Variants in GRM7 observed in about 807,000 individuals in gnomAD.
GRM7 encodes the protein metabotropic glutamate receptor 7.
In GRM7, 35 loss-of-function variants were observed where a neutral mutation model predicts 84.5. The observed-to-expected ratio is 0.41, with a 90% CI of 0.32 to 0.55. The LOEUF (loss-of-function observed/expected upper bound fraction) is 0.55, where lower values mean the gene tolerates loss of function less well. Among genes scored for constraint, GRM7 ranks in the 20% least tolerant of loss-of-function variants. GRM7 has a pLI of 0.19. For synonymous variants in GRM7, 487 were observed against 455.1 expected (o/e 1.07, Z -0.89); for missense variants, 1,003 against 1,194.6 (o/e 0.84, Z 2.36).
At chr3:7,437,979 AG>A (rs1697128946) in intron 5 of GRM7, among the ~76,000 whole-genome samples, 1 of 152,128 alleles carries the variant, frequency 6.6e-6, no homozygotes, top group Non-Finnish European at 1.5e-5. Flanking sequence ...TAAAAAAAAA[AG>A]GTCACAGAAC....
At chr3:7,544,707 T>A (rs996449145) in intron 7 of GRM7, among the ~76,000 whole-genome samples, 1 of 152,252 alleles carries the variant, frequency 6.6e-6, no homozygotes, top group Non-Finnish European at 1.5e-5. Flanking sequence ...TTTTATGTTG[T>A]CTCTTTCCTC....
intron 1 of GRM7, among the ~76,000 whole-genome samples, chr3:6,949,531 G>A (rs1261811401): frequency 2.6e-5 from 4 of 151,834 alleles, no homozygotes; most frequent in Non-Finnish European, 4.4e-5. Flanking sequence ...ACAATTATGT[G>A]TCTTGGAGTT....
chr3:7,682,802 A>T (rs188577281), intron 9 of GRM7, among the ~76,000 whole-genome samples: 3 of 152,320 alleles, frequency 2.0e-5, no homozygotes, highest in Admixed American at 2.0e-4. Context: ...GCTAACACTG[A>T]CATTAATGCT....
At chr3:7,257,148 G>T (rs146556289) in intron 2 of GRM7, among the ~76,000 whole-genome samples, 195 of 152,202 alleles carry the variant, frequency 1.3e-3, no homozygotes, top group Non-Finnish European at 2.2e-3. Flanking sequence ...ACTAATCCAA[G>T]GAGGCTTTTC....
At chr3:7,395,235 C>G (rs1695163560) in intron 4 of GRM7, among the ~76,000 whole-genome samples, 1 of 152,004 alleles carries the variant, frequency 6.6e-6, no homozygotes. Flanking sequence ...GATGTATTCA[C>G]CAAATTGTAT....
chr3:7,674,432 T>A (rs1021304615), intron 8 of GRM7, among the ~76,000 whole-genome samples: 19 of 152,178 alleles, frequency 1.2e-4, no homozygotes, highest in African/African-American at 4.6e-4. Flanking sequence ...CCTCAGGTGA[T>A]CTGCCTGCCT....
intron 1 of GRM7, among the ~76,000 whole-genome samples, chr3:6,951,601 C>T (rs982134019): frequency 2.6e-5 from 4 of 152,138 alleles, no homozygotes; most frequent in Non-Finnish European, 4.4e-5. Context: ...TTCTAGAGAT[C>T]TTTCTGTTAT....
intron 8 of GRM7, among the ~76,000 whole-genome samples, chr3:7,644,159 T>TATATATATGTCTGTAC (rs71043682): frequency 0.017 from 1,229 of 73,852 alleles, 47 homozygotes; most frequent in African/African-American, 0.052. Flanking sequence ...TGTACGTATA[T>TATATATATGTCTGTAC]ATATATATGT....
chr3:7,378,492 G>A (rs2125126667), intron 4 of GRM7, among the ~76,000 whole-genome samples: 1 of 152,224 alleles, frequency 6.6e-6, no homozygotes, highest in South Asian at 2.1e-4. Flanking sequence ...CAACAGTCTT[G>A]GGAGTTAAGG....
intron 2 of GRM7, among the ~76,000 whole-genome samples, chr3:7,279,224 TC>T (rs1699174511): frequency 6.6e-6 from 1 of 152,136 alleles, no homozygotes; most frequent in Non-Finnish European, 1.5e-5. Context: ...TAAGCAAACC[TC>T]CATTTATTTT....
intron 1 of GRM7, among the ~76,000 whole-genome samples, chr3:7,003,229 A>AATTG (rs1695074407): frequency 6.6e-6 from 1 of 152,146 alleles, no homozygotes; most frequent in South Asian, 2.1e-4. Context: ...ATTGCTAAAG[A>AATTG]ATTGATTTCT....
At chr3:7,654,650 A>AACTT (rs1699100568) in intron 8 of GRM7, among the ~76,000 whole-genome samples, 1 of 152,226 alleles carries the variant, frequency 6.6e-6, no homozygotes, top group African/African-American at 2.4e-5. Flanking sequence ...CAGCTCTGTG[A>AACTT]ACTTCTAAAT....
intron 1 of GRM7, among the ~76,000 whole-genome samples, chr3:7,080,333 G>T (rs1341425194): frequency 6.6e-6 from 1 of 151,696 alleles, no homozygotes; most frequent in Non-Finnish European, 1.5e-5. Flanking sequence ...TTCACATTTG[G>T]TCCAGTCTCC....
At chr3:7,312,201 C>T (rs531355043) in intron 4 of GRM7, among the ~76,000 whole-genome samples, 65 of 152,194 alleles carry the variant, frequency 4.3e-4, no homozygotes, top group African/African-American at 1.5e-3. Context: ...AAATGATGAG[C>T]GATGCCCTGT....
At chr3:7,618,201 G>A (rs946126166) in intron 8 of GRM7, among the ~76,000 whole-genome samples, 4 of 152,120 alleles carry the variant, frequency 2.6e-5, no homozygotes, top group African/African-American at 9.7e-5. Flanking sequence ...GCATAAAGAA[G>A]CTGGGGGTTT....
chr3:7,173,349 C>T (rs971577479), intron 2 of GRM7, among the ~76,000 whole-genome samples: 4 of 152,194 alleles, frequency 2.6e-5, no homozygotes, highest in Non-Finnish European at 5.9e-5. Context: ...CTCACAGGGA[C>T]ATCAGAAAAA....
intron 8 of GRM7, among the ~76,000 whole-genome samples, chr3:7,662,273 T>A (rs1699496715): frequency 6.6e-6 from 1 of 152,192 alleles, no homozygotes. Flanking sequence ...CAAAGAGGAA[T>A]AAGGAACTTT....
chr3:7,073,505 G>C (rs1163664312), intron 1 of GRM7, among the ~76,000 whole-genome samples: 1 of 152,044 alleles, frequency 6.6e-6, no homozygotes, highest in East Asian at 1.9e-4. Flanking sequence ...AAATATCAGG[G>C]AAGGTACTCG....
chr3:7,388,407 TTTG>T (rs1694867550), intron 4 of GRM7, among the ~76,000 whole-genome samples: 1 of 152,150 alleles, frequency 6.6e-6, no homozygotes, highest in Non-Finnish European at 1.5e-5. Flanking sequence ...AGTTTAACTT[TTTG>T]TTGTTTTCTT....
Sources: gnomAD v4.1 joint callset for allele counts (sites outside exome capture counted in the v4.1 genomes callset) on GRCh38, gnomAD v4.1.1 for gene constraint, MANE v1.5 for transcripts, NCBI Gene and HGNC (gene_info 2026-07-23, HGNC 2026-07-21) for gene names.